Variants in PIK3C2G observed in about 807,000 individuals in gnomAD.
PIK3C2G encodes phosphatidylinositol-4-phosphate 3-kinase catalytic subunit type 2 gamma.
Under a neutral mutation model 181.1 loss-of-function variants are expected in PIK3C2G, and 168 were observed. The ratio of observed to expected loss-of-function variants is 0.93; its 90% CI spans 0.82 to 1.05. The LOEUF (loss-of-function observed/expected upper bound fraction) is 1.05. PIK3C2G is among the 50% of genes least tolerant of loss of function. The probability of loss-of-function intolerance (pLI) is 0.00; values close to 1 mark genes in which losing one functional copy is unlikely to be tolerated. For missense variants in PIK3C2G, 1,869 were observed against 1,732.8 expected (o/e 1.08, Z -1.40); for synonymous variants, 573 against 592.2 (o/e 0.97, Z 0.47).
chr12:18,576,442 C>G (rs1029314097), intron 29 of PIK3C2G, among the ~76,000 whole-genome samples: 1 of 152,080 alleles, frequency 6.6e-6, no homozygotes, highest in African/African-American at 2.4e-5. Context: ...TGTAATGTAT[C>G]TGTTATGAGC....
the PIK3C2G span, among the ~76,000 whole-genome samples, chr12:18,660,248 C>G: frequency 6.6e-6 from 1 of 152,100 alleles, no homozygotes; most frequent in Non-Finnish European, 1.5e-5. Flanking sequence ...GATCAGCTTG[C>G]ACACAGCTTG....
intron 5 of PIK3C2G, among the ~76,000 whole-genome samples, chr12:18,305,145 T>C (rs1950365969): frequency 6.6e-6 from 1 of 152,188 alleles, no homozygotes; most frequent in African/African-American, 2.4e-5. Context: ...ACCACAAAAA[T>C]AGCACACCAT....
intron 1 of PIK3C2G, among the ~76,000 whole-genome samples, chr12:18,266,293 T>C (rs574378336): frequency 2.0e-5 from 3 of 152,204 alleles, no homozygotes; most frequent in Non-Finnish European, 2.9e-5. Flanking sequence ...TAACTCTATA[T>C]ATACAAACAA....
chr12:18,450,929 G>A (rs998889693), intron 18 of PIK3C2G, among the ~76,000 whole-genome samples: 2 of 152,040 alleles, frequency 1.3e-5, no homozygotes, highest in Admixed American at 6.6e-5. Flanking sequence ...CTGTTCCATT[G>A]GTCTATATAT....
chr12:18,517,734 G>C (rs1171330862), intron 24 of PIK3C2G, among the ~76,000 whole-genome samples: 1 of 151,950 alleles, frequency 6.6e-6, no homozygotes, highest in East Asian at 1.9e-4. Context: ...TTCTTTTCTT[G>C]CCTGATTGCC....
the PIK3C2G span, among the ~76,000 whole-genome samples, chr12:18,681,903 C>T: frequency 6.6e-6 from 1 of 152,100 alleles, no homozygotes; most frequent in South Asian, 2.1e-4. Context: ...CTTTAAATTT[C>T]ATGGAATTCC....
the PIK3C2G span, chr12:18,683,149 C>G: frequency 9.1e-7 from 1 of 1,099,316 alleles, no homozygotes; most frequent in East Asian, 2.5e-5. Context: ...AATTATTTTT[C>G]TTTATGTTTA....
chr12:18,539,110 T>C (rs969035229), intron 25 of PIK3C2G, among the ~76,000 whole-genome samples: 2 of 151,934 alleles, frequency 1.3e-5, no homozygotes, highest in African/African-American at 4.8e-5. Flanking sequence ...CAGATGACAA[T>C]AATTCTACCA....
chr12:18,322,835 T>C (rs562497776), intron 7 of PIK3C2G, among the ~76,000 whole-genome samples: 2 of 152,260 alleles, frequency 1.3e-5, no homozygotes, highest in South Asian at 2.1e-4. Context: ...TATAGGTAAT[T>C]ACATGATTCC....
chr12:18,694,562 G>A, the PIK3C2G span, among the ~76,000 whole-genome samples: 3 of 152,096 alleles, frequency 2.0e-5, no homozygotes, highest in African/African-American at 2.4e-5. Context: ...CATCAAAGGC[G>A]AGAAAAAGTA....
intron 30 of PIK3C2G, among the ~76,000 whole-genome samples, chr12:18,596,022 C>A: frequency 6.6e-6 from 1 of 152,042 alleles, no homozygotes; most frequent in East Asian, 1.9e-4. Context: ...TATGGCTCAC[C>A]ATTGTATCCC....
chr12:18,725,580 G>A, the PIK3C2G span, among the ~76,000 whole-genome samples: 1 of 152,160 alleles, frequency 6.6e-6, no homozygotes, highest in East Asian at 1.9e-4. Context: ...CCCTCTTAAA[G>A]TTCTCACTGT....
At chr12:18,416,116 G>A (rs1238127828) in intron 16 of PIK3C2G, among the ~76,000 whole-genome samples, 13 of 152,068 alleles carry the variant, frequency 8.5e-5, no homozygotes, top group Admixed American at 8.5e-4. Flanking sequence ...GTGGTGGCGG[G>A]TGCCTAAAAT....
At chr12:18,322,800 C>T (rs1951169417) in intron 7 of PIK3C2G, among the ~76,000 whole-genome samples, 1 of 152,148 alleles carries the variant, frequency 6.6e-6, no homozygotes, top group Non-Finnish European at 1.5e-5. Flanking sequence ...GGATTTTAGA[C>T]ATAATCTAAT....
At chr12:18,251,665 T>C (rs1483914699) in intron 1 of PIK3C2G, among the ~76,000 whole-genome samples, 8 of 152,178 alleles carry the variant, frequency 5.3e-5, no homozygotes, top group Non-Finnish European at 1.5e-5. Flanking sequence ...ACTTAATCTG[T>C]TTTTCTTGAA....
intron 29 of PIK3C2G, among the ~76,000 whole-genome samples, chr12:18,574,841 A>G (rs1322530810): frequency 6.6e-6 from 1 of 152,186 alleles, no homozygotes; most frequent in Non-Finnish European, 1.5e-5. Context: ...AAGCCTTTAG[A>G]TGAAATTACA....
intron 1 of PIK3C2G, among the ~76,000 whole-genome samples, chr12:18,276,934 A>G (rs186285359): frequency 1.5e-4 from 23 of 152,338 alleles, no homozygotes; most frequent in African/African-American, 4.8e-5. Context: ...TGAAACTTCT[A>G]TAAGATTATA....
chr12:18,358,664 CA>C, intron 11 of PIK3C2G: 1 of 496,800 alleles, frequency 2.0e-6, no homozygotes, highest in Non-Finnish European at 4.1e-6. Context: ...TCATCAAAAT[CA>C]TCCTGTCCCA....
chr12:18,605,344 G>C (rs1277656016), intron 30 of PIK3C2G, among the ~76,000 whole-genome samples: 1 of 152,102 alleles, frequency 6.6e-6, no homozygotes, highest in East Asian at 1.9e-4. Context: ...GGAATAATTA[G>C]ATACCCTGAA....
Sources: allele counts gnomAD v4.1 joint callset (sites outside exome capture counted in the v4.1 genomes callset), GRCh38; gene constraint gnomAD v4.1.1; transcripts MANE v1.5; gene names NCBI Gene and HGNC (gene_info 2026-07-23, HGNC 2026-07-21).